Variants in SGMS1 observed in about 807,000 individuals in gnomAD.
SGMS1 encodes the protein phosphatidylcholine:ceramide cholinephosphotransferase 1.
Under a neutral mutation model 46.2 loss-of-function variants are expected in SGMS1, and 13 were observed. The observed-to-expected ratio is 0.28, with a 90% CI of 0.18 to 0.45. SGMS1 has a LOEUF of 0.45. Among genes scored for constraint, SGMS1 ranks in the 20% least tolerant of loss-of-function variants. SGMS1 has a pLI of 1.00. For missense variants in SGMS1, 324 were observed against 519.9 expected, an observed-to-expected ratio of 0.62 and a Z score of 3.66; for synonymous variants, 203 against 187.8, an observed-to-expected ratio of 1.08 and a Z score of -0.66.
At chr10:50,491,293 T>C (rs1837565788) in intron 3 of SGMS1, among the ~76,000 whole-genome samples, 3 of 152,160 alleles carry the variant, frequency 2.0e-5, no homozygotes. Context: ...ATTGAGGCTA[T>C]AGTGAGCTAT....
intron 2 of SGMS1, among the ~76,000 whole-genome samples, chr10:50,566,268 T>C (rs1376249439): frequency 3.3e-5 from 5 of 152,076 alleles, no homozygotes; most frequent in East Asian, 3.8e-4. Context: ...TAAAATTCAA[T>C]GAGTCTGCCC....
chr10:50,333,864 G>A (rs1435418814), intron 7 of SGMS1, among the ~76,000 whole-genome samples: 2 of 152,178 alleles, frequency 1.3e-5, no homozygotes, highest in East Asian at 1.9e-4. Context: ...CATATACTAT[G>A]TGTTTTTGCT....
rs547552378 is a variant in SGMS1, at chr10:50,397,584, T to C, written c.-232+35892A>G. ...GAAGAACAAAGTGTCTGGGTTTATT[T>C]AGATGTCCACATCTCTTTGCCTCTG... On this transcript the variant is annotated intron_variant, in intron 6 of 10. Coordinates refer to ENST00000361781, the MANE Select transcript of SGMS1 (RefSeq NM_147156.4). Among the ~76,000 whole-genome samples the C allele has an allele frequency of 5.3e-5, 8 of 152,332 alleles. No individual in the cohort carries two copies. The East Asian group carries it at 1.4e-3, about 26-fold the overall frequency.
At chr10:50,509,480 T>C (rs562396665) in intron 3 of SGMS1, among the ~76,000 whole-genome samples, 124 of 152,344 alleles carry the variant, frequency 8.1e-4, no homozygotes, top group Non-Finnish European at 1.4e-3. Flanking sequence ...TCACAGTGCA[T>C]TTGTTATGGC....
chr10:50,592,681 G>A (rs1838553253), intron 1 of SGMS1, among the ~76,000 whole-genome samples: 1 of 152,182 alleles, frequency 6.6e-6, no homozygotes, highest in Admixed American at 6.5e-5. Context: ...CCTCAGGTAC[G>A]TTCTTGTCAG....
At chr10:50,587,633 A>ATATGTG (rs760688384) in intron 2 of SGMS1, among the ~76,000 whole-genome samples, 2,970 of 138,136 alleles carry the variant, frequency 0.022, 84 homozygotes, top group East Asian at 0.084. Context: ...CAAAATATAT[A>ATATGTG]TGTGTGTGTG....
At chr10:50,423,776 A>G (rs1026691080) in intron 6 of SGMS1, among the ~76,000 whole-genome samples, 11 of 152,258 alleles carry the variant, frequency 7.2e-5, no homozygotes, top group African/African-American at 2.7e-4. Context: ...TAATGAAATT[A>G]TATGTCAATG....
At chr10:50,378,289 CA>C (rs2133465594) in intron 6 of SGMS1, among the ~76,000 whole-genome samples, 1 of 152,236 alleles carries the variant, frequency 6.6e-6, no homozygotes, top group East Asian at 1.9e-4. Context: ...CCAAACAAAA[CA>C]ACTCTTTTTA....
At chr10:50,586,450 C>T (rs1838485371) in intron 2 of SGMS1, among the ~76,000 whole-genome samples, 2 of 152,252 alleles carry the variant, frequency 1.3e-5, no homozygotes, top group Non-Finnish European at 2.9e-5. Context: ...GATAACTATA[C>T]TACAGGCTCC....
At chr10:50,608,013 A>G (rs1838713241) in intron 1 of SGMS1, among the ~76,000 whole-genome samples, 1 of 152,236 alleles carries the variant, frequency 6.6e-6, no homozygotes, top group African/African-American at 2.4e-5. Context: ...CACTGATCGT[A>G]TATGCTAAGA....
intron 2 of SGMS1, among the ~76,000 whole-genome samples, chr10:50,571,804 T>C (rs770458930): frequency 6.6e-6 from 1 of 152,092 alleles, no homozygotes; most frequent in African/African-American, 2.4e-5. Flanking sequence ...TAATCTCATT[T>C]AATCCTTAAA....
At chr10:50,389,336 CA>C (rs1848731811) in intron 6 of SGMS1, among the ~76,000 whole-genome samples, 1 of 152,100 alleles carries the variant, frequency 6.6e-6, no homozygotes, top group African/African-American at 2.4e-5. Flanking sequence ...ATATAAAAAC[CA>C]ATCTTTGCCT....
intron 3 of SGMS1, among the ~76,000 whole-genome samples, chr10:50,513,703 G>A (rs1460720086): frequency 6.6e-6 from 1 of 152,050 alleles, no homozygotes; most frequent in Non-Finnish European, 1.5e-5. Context: ...CAGCATTCAG[G>A]TTTATATTAA....
chr10:50,426,542 C>T (rs902906009), intron 6 of SGMS1, among the ~76,000 whole-genome samples: 19 of 152,370 alleles, frequency 1.2e-4, no homozygotes, highest in African/African-American at 4.3e-4. Context: ...CCTTGTCTAA[C>T]TGAGGCTGAC....
intron 2 of SGMS1, among the ~76,000 whole-genome samples, chr10:50,555,215 A>T (rs1838180497): frequency 6.6e-6 from 1 of 152,262 alleles, no homozygotes; most frequent in African/African-American, 2.4e-5. Flanking sequence ...GTAATCAGTG[A>T]AAAGCCTCAC....
Position 50,317,392 on chromosome 10 carries a change from T to G in SGMS1, c.742-5977A>C, listed in dbSNP as rs565891444. ...TTCCCATCAGTTATCTCACTGTATC[T>G]TCACAAGCTTGTCAGTTGGTGAGCG... is the stretch of plus-strand genomic sequence containing the variant. On this transcript the variant is annotated intron_variant, in intron 8 of 10. Transcript: ENST00000361781. Among the ~76,000 whole-genome samples, 4 of 152,340 alleles carry G rather than the reference T, an allele frequency of 2.6e-5. No individual in the cohort carries two copies. The South Asian group carries it at 8.3e-4, about 32-fold the overall frequency.
chr10:50,364,229 A>G (rs1319308754), intron 6 of SGMS1, among the ~76,000 whole-genome samples: 1 of 152,164 alleles, frequency 6.6e-6, no homozygotes, highest in Non-Finnish European at 1.5e-5. Flanking sequence ...AAAACAAACA[A>G]AGATTTAGAA....
Position 50,607,563 on chromosome 10 carries a change from T to C in SGMS1, c.-684+16144A>G, listed in dbSNP as rs191026170. On this transcript the variant is annotated intron_variant, in intron 1 of 10. Transcript: ENST00000361781. ...TCTGTTATCTTGAAAGCCAATTTCATTTCTCTACAGCCACACTTTTAGAGC... is the reference window on the plus strand; with the variant it reads ...TCTGTTATCTTGAAAGCCAATTTCACTTCTCTACAGCCACACTTTTAGAGC... 4.6e-5 allele frequency among the ~76,000 whole-genome samples: 7 copies of C among 152,356 alleles called. No individual in the cohort carries two copies. The East Asian group carries it at 1.3e-3, about 29-fold the overall frequency.
intron 6 of SGMS1, among the ~76,000 whole-genome samples, chr10:50,399,328 A>C (rs142230847): frequency 4.7e-4 from 71 of 152,330 alleles, no homozygotes; most frequent in African/African-American, 1.4e-3. Context: ...ACTTTCATAC[A>C]ATAAAAGGTA....
Sources: allele counts gnomAD v4.1 joint callset (sites outside exome capture counted in the v4.1 genomes callset), GRCh38; gene constraint gnomAD v4.1.1; transcripts MANE v1.5; gene names NCBI Gene and HGNC (gene_info 2026-07-23, HGNC 2026-07-21).